The following SCYL2 variants were observed in gnomAD, a reference collection of about 807,000 sequenced individuals.
SCYL2 encodes SCY1 like pseudokinase 2.
SCYL2 carries 36 observed loss-of-function variants against 100.4 expected under a neutral mutation model. The observed-to-expected ratio is 0.36, with a 90% CI of 0.27 to 0.47. The LOEUF (loss-of-function observed/expected upper bound fraction) is 0.47. Ranked by LOEUF, SCYL2 falls within the 20% of genes least tolerant of loss-of-function variation. The probability of loss-of-function intolerance (pLI) is 1.00; values close to 1 mark genes in which losing one functional copy is unlikely to be tolerated. For synonymous variants in SCYL2, 330 were observed against 359.2 expected (o/e 0.92, Z 0.92); for missense variants, 902 against 1,083.9 (o/e 0.83, Z 2.36).
At chr12:100,310,450 C>G (rs571638015) in intron 4 of SCYL2, among the ~76,000 whole-genome samples, 45 of 152,280 alleles carry the variant, frequency 3.0e-4, no homozygotes, top group African/African-American at 8.9e-4. Context: ...AATGTATGTT[C>G]AAGTCCTGGA....
In SCYL2 at chr12:100,339,263, T is replaced by C. The variant is rs55736213; in HGVS notation, c.*91T>C. The C allele has an allele frequency of 7.9e-7, 1 of 1,263,936 alleles. No individual in the cohort carries two copies. The highest frequency in any genetic ancestry group is 1.1e-6 in the Non-Finnish European group (1 of 910,702). The allele number at this position is 1,263,936 out of a possible 1,614,324, so 78.3% of individuals were successfully genotyped here. On this transcript the variant is annotated 3_prime_UTR_variant, in exon 18 of 18. Transcript: ENST00000360820. ...TATATAGTTGGCTTGGAGGAAGTAC[T>C]TCTATGGGAAAGTGAACAGTTCTGT...
intron 10 of SCYL2, among the ~76,000 whole-genome samples, chr12:100,318,893 G>T (rs575360923): frequency 6.6e-6 from 1 of 152,210 alleles, no homozygotes; most frequent in Admixed American, 6.5e-5. Flanking sequence ...TAGTCTTTGC[G>T]ATTAAAATTT....
chr12:100,295,552 A>G (rs2096318764), intron 3 of SCYL2, among the ~76,000 whole-genome samples: 1 of 151,970 alleles, frequency 6.6e-6, no homozygotes, highest in Admixed American at 6.5e-5. Flanking sequence ...TACGAAAACC[A>G]GTCAGGCGTG....
intron 1 of SCYL2, among the ~76,000 whole-genome samples, chr12:100,281,200 C>A (rs1037036395): frequency 6.6e-6 from 1 of 151,498 alleles, no homozygotes. Context: ...GGCTAATTTT[C>A]GAATTTTTTG....
In SCYL2 at chr12:100,335,566, G is replaced by C. The variant is rs894464837; in HGVS notation, c.1863-59G>C. ...CATGTGAATAAATAATTTTTGGCATGAGTATTTAAAAATATGCATTTCTTT... is the reference window on the plus strand; with the variant it reads ...CATGTGAATAAATAATTTTTGGCATCAGTATTTAAAAATATGCATTTCTTT... On this transcript the variant is annotated intron_variant, in intron 14 of 17. Coordinates refer to ENST00000360820, the MANE Select transcript of SCYL2 (RefSeq NM_017988.6). The C allele has an allele frequency of 1.5e-4, 189 of 1,221,534 alleles. 1 individual carries two copies. The South Asian group carries it at 2.5e-3, about 16-fold the overall frequency. 75.7% of individuals were successfully genotyped at this position (1,221,534 alleles called of 1,614,324 possible).
rs763082700 is a variant in SCYL2, at chr12:100,315,690, C to A, written c.1228C>A (p.Leu410Ile). The change falls in exon 9 of 18, where the codon CTT becomes ATT. Residue 410 changes from leucine (L) to isoleucine (I), a missense_variant. Transcript: ENST00000360820. The stretch of plus-strand genomic sequence containing the variant: ...CAAAGAAGAATATGTCAAATTAATT[C>A]TTCCTGAACTTGGCCCTGTGTTTAA... ...CTKEEYVKLILPELGPVFKQQ... is the reference protein window; with the variant it reads ...CTKEEYVKLIIPELGPVFKQQ... The A allele has an allele frequency of 2.0e-5, 32 of 1,611,532 alleles. No homozygotes were observed. The highest frequency in any genetic ancestry group is 1.3e-5 in the African/African-American group (1 of 74,876).
At chr12:100,300,305 A>AT (rs2096326022) in intron 4 of SCYL2, among the ~76,000 whole-genome samples, 2 of 152,106 alleles carry the variant, frequency 1.3e-5, no homozygotes, top group South Asian at 2.1e-4. Context: ...TCTTAGCTGT[A>AT]TTTTTTAAAG....
At chr12:100,300,272 C>G (rs1316640135) in intron 4 of SCYL2, among the ~76,000 whole-genome samples, 1 of 152,126 alleles carries the variant, frequency 6.6e-6, no homozygotes, top group East Asian at 1.9e-4. Context: ...GATTTTCTCC[C>G]AATCTGGCTT....
At chr12:100,294,200 CG>C (rs912032184) in intron 3 of SCYL2, among the ~76,000 whole-genome samples, 16 of 142,922 alleles carry the variant, frequency 1.1e-4, no homozygotes, top group Non-Finnish European at 6.2e-5. Flanking sequence ...GCTGGCCAGG[CG>C]GGGGGGTGAC....
rs772737427 is a variant in SCYL2 at position 100,329,294 on chromosome 12, T to C, written c.1736T>C (p.Ile579Thr). The part of the protein sequence containing the change: ...KVLPHLIPLS[I>T]ENNLNLNQFN... Reference sequence around the variant, plus strand: ...TTGCCTCATCTTATTCCCCTGAGTATTGAAAACAATCTTAATCTTAATCAG... The same window carrying C: ...TTGCCTCATCTTATTCCCCTGAGTACTGAAAACAATCTTAATCTTAATCAG... The change falls in exon 13 of 18, where the codon ATT becomes ACT. Residue 579 changes from isoleucine to threonine, a missense_variant. Physicochemically the swap from Ile to Thr is moderately conservative, Grantham distance 89. Transcript: ENST00000360820. 1 of 1,582,890 alleles carries C rather than the reference T, an allele frequency of 6.3e-7. No homozygotes were observed. Among genetic ancestry groups the C allele is most frequent in the Non-Finnish European group, 8.7e-7 (1 of 1,152,116 alleles).
intron 16 of SCYL2, among the ~76,000 whole-genome samples, chr12:100,336,420 G>C (rs1368639272): frequency 6.6e-6 from 1 of 152,020 alleles, no homozygotes; most frequent in Non-Finnish European, 1.5e-5. Context: ...TAGTCCATCA[G>C]ATTTTCACTT....
In SCYL2 at chr12:100,312,538, C is replaced by T; in HGVS notation, c.737C>T (p.Ala246Val). ...ATACTTTCTGTGAGCTGTGAAACAG[C>T]CAGTGATATGTATTCTTTAGGAACT... is the stretch of plus-strand genomic sequence containing the variant. ...EYILSVSCETASDMYSLGTVM... is the reference protein window; with the variant it reads ...EYILSVSCETVSDMYSLGTVM... Residue 246 changes from alanine to valine, a missense_variant, in exon 6 of 18, where the codon GCC becomes GTC. Ala to Val is a moderately conservative substitution (Grantham distance 64). Transcript: ENST00000360820. The T allele has an allele frequency of 6.2e-7, 1 of 1,612,990 alleles. No homozygotes were observed. The highest frequency in any genetic ancestry group is 8.5e-7 in the Non-Finnish European group (1 of 1,179,186).
chr12:100,281,019 GTT>G (rs202048587), intron 1 of SCYL2, among the ~76,000 whole-genome samples: 18 of 50,488 alleles, frequency 3.6e-4, no homozygotes, highest in East Asian at 1.2e-3. Context: ...TACCATCAGT[GTT>G]TTTTTTTTTT....
chr12:100,295,888 C>G (rs1413346046), intron 3 of SCYL2, among the ~76,000 whole-genome samples: 3 of 152,142 alleles, frequency 2.0e-5, no homozygotes, highest in Non-Finnish European at 4.4e-5. Context: ...CCAGCCTAGG[C>G]TGGGCTGTGA....
At chr12:100,302,315 C>T (rs1172627556) in intron 4 of SCYL2, among the ~76,000 whole-genome samples, 1 of 152,174 alleles carries the variant, frequency 6.6e-6, no homozygotes, top group African/African-American at 2.4e-5. Context: ...TCAGTTGACT[C>T]TAAGCCCAGC....
chr12:100,282,681 T>A (rs74502705), intron 1 of SCYL2, among the ~76,000 whole-genome samples: 111 of 152,310 alleles, frequency 7.3e-4, no homozygotes, highest in African/African-American at 2.6e-3. Flanking sequence ...TCATTCTCTT[T>A]CTTAATGTCA....
At position 100,303,038 on chromosome 12, in the gene SCYL2, C is replaced by T. The variant is rs529395536; in HGVS notation, c.480+4863C>T. ...TCTGATATCCTTTCTTCCGCTTGAT[C>T]GATTCAGCTATTAATAATTGTGTAT... On this transcript the variant is annotated intron_variant, in intron 4 of 17. Coordinates refer to ENST00000360820, the MANE Select transcript of SCYL2 (RefSeq NM_017988.6). 3.9e-5 allele frequency among the ~76,000 whole-genome samples: 6 copies of T among 152,074 alleles called. No homozygotes were observed. In the South Asian group the frequency reaches 6.2e-4, roughly 16 times the overall value.
chr12:100,296,509 A>T (rs556526206), intron 3 of SCYL2, among the ~76,000 whole-genome samples: 2 of 152,344 alleles, frequency 1.3e-5, no homozygotes, highest in Admixed American at 1.3e-4. Context: ...ATATTGTCGT[A>T]TGGCAGGAGA....
At chr12:100,283,404 T>C (rs2096301033) in intron 2 of SCYL2, among the ~76,000 whole-genome samples, 1 of 152,228 alleles carries the variant, frequency 6.6e-6, no homozygotes, top group Non-Finnish European at 1.5e-5. Flanking sequence ...TTAATAAACA[T>C]GTCAGTTGAG....
Sources: allele counts gnomAD v4.1 joint callset (sites outside exome capture counted in the v4.1 genomes callset), GRCh38; gene constraint gnomAD v4.1.1; transcripts MANE v1.5; gene names NCBI Gene and HGNC (gene_info 2026-07-23, HGNC 2026-07-21).